The following CNTNAP2 variants were observed in gnomAD, a reference collection of about 807,000 sequenced individuals.
The protein encoded by CNTNAP2 is contactin-associated protein-like 2.
CNTNAP2 carries 98 observed loss-of-function variants against 155.2 expected under a neutral mutation model. That is an observed-to-expected ratio of 0.63 (90% CI 0.54 to 0.75). The LOEUF (loss-of-function observed/expected upper bound fraction) is 0.75. Ranked by LOEUF, CNTNAP2 falls within the 30% of genes least tolerant of loss-of-function variation. CNTNAP2 has a pLI of 0.00. For synonymous variants in CNTNAP2, 651 were observed against 631.2 expected (o/e 1.03, Z -0.47); for missense variants, 1,727 against 1,688.1 (o/e 1.02, Z -0.40).
intron 1 of CNTNAP2, among the ~76,000 whole-genome samples, chr7:146,528,053 A>G (rs1211969923): frequency 1.3e-5 from 2 of 152,174 alleles, no homozygotes; most frequent in Non-Finnish European, 2.9e-5. Flanking sequence ...TTCTATTGAT[A>G]TAATTACCAG....
intron 1 of CNTNAP2, among the ~76,000 whole-genome samples, chr7:146,644,180 C>G (rs186618816): frequency 0.046 from 6,952 of 151,828 alleles, 528 homozygotes; most frequent in African/African-American, 0.16. Context: ...TTGCCCTGGC[C>G]AGAACACTAT....
chr7:147,047,902 T>C (rs1228750624), intron 4 of CNTNAP2, among the ~76,000 whole-genome samples: 2 of 152,124 alleles, frequency 1.3e-5, no homozygotes, highest in Non-Finnish European at 2.9e-5. Flanking sequence ...TAGATGCCAG[T>C]GGAGTAAGTA....
intron 13 of CNTNAP2, among the ~76,000 whole-genome samples, chr7:147,832,964 A>G (rs1476215799): frequency 6.6e-6 from 1 of 150,722 alleles, no homozygotes; most frequent in Non-Finnish European, 1.5e-5. Flanking sequence ...GAAGTTTCAG[A>G]AATATCTCAC....
intron 21 of CNTNAP2, among the ~76,000 whole-genome samples, chr7:148,288,263 C>T (rs1404558589): frequency 6.6e-6 from 1 of 151,356 alleles, no homozygotes; most frequent in African/African-American, 2.4e-5. Flanking sequence ...CCATGCCCAG[C>T]TACTTTTTTG....
At chr7:148,343,699 T>C (rs1433649641) in intron 21 of CNTNAP2, among the ~76,000 whole-genome samples, 1 of 152,142 alleles carries the variant, frequency 6.6e-6, no homozygotes, top group Non-Finnish European at 1.5e-5. Flanking sequence ...TTTAAAAAAG[T>C]AGTTTCCAAG....
At chr7:148,220,133 C>T (rs1298101884) in intron 19 of CNTNAP2, among the ~76,000 whole-genome samples, 1 of 152,338 alleles carries the variant, frequency 6.6e-6, no homozygotes, top group East Asian at 1.9e-4. Flanking sequence ...GACGGAGTCT[C>T]GCTCTGTCGC....
intron 21 of CNTNAP2, among the ~76,000 whole-genome samples, chr7:148,362,365 A>G (rs1798641186): frequency 6.6e-6 from 1 of 152,172 alleles, no homozygotes; most frequent in Non-Finnish European, 1.5e-5. Flanking sequence ...ACACAGAGCC[A>G]AACAGTATCA....
intron 3 of CNTNAP2, among the ~76,000 whole-genome samples, chr7:146,849,646 C>A (rs567068395): frequency 6.6e-6 from 1 of 152,168 alleles, no homozygotes. Context: ...TTACCTTATG[C>A]GATTTTTGTG....
chr7:147,706,181 G>GTTTTT (rs767715009), intron 13 of CNTNAP2, among the ~76,000 whole-genome samples: 1,705 of 133,358 alleles, frequency 0.013, 115 homozygotes, highest in Admixed American at 0.12. Flanking sequence ...AACATTTGAG[G>GTTTTT]TTTTTTTTTT....
At chr7:146,833,477 T>C (rs897411905) in intron 2 of CNTNAP2, among the ~76,000 whole-genome samples, 3 of 152,188 alleles carry the variant, frequency 2.0e-5, no homozygotes, top group Admixed American at 2.0e-4. Context: ...AGTCTGAAAG[T>C]GTACCTTACA....
At chr7:146,636,940 A>T (rs1460863219) in intron 1 of CNTNAP2, among the ~76,000 whole-genome samples, 1 of 152,232 alleles carries the variant, frequency 6.6e-6, no homozygotes, top group Non-Finnish European at 1.5e-5. Context: ...AGAGGCATAC[A>T]TAGAGAGAAA....
At chr7:147,583,478 T>TTATA (rs1364775781) in intron 12 of CNTNAP2, among the ~76,000 whole-genome samples, 1 of 135,306 alleles carries the variant, frequency 7.4e-6, no homozygotes, top group Non-Finnish European at 1.5e-5. Context: ...TGCTCATTTC[T>TTATA]TATATATATA....
intron 1 of CNTNAP2, among the ~76,000 whole-genome samples, chr7:146,694,076 T>C (rs1020668884): frequency 1.3e-5 from 2 of 152,184 alleles, no homozygotes; most frequent in East Asian, 1.9e-4. Context: ...CTAAAAATAA[T>C]ATTTTTGTTC....
At chr7:146,707,493 T>G (rs995227027) in intron 1 of CNTNAP2, among the ~76,000 whole-genome samples, 7 of 151,952 alleles carry the variant, frequency 4.6e-5, no homozygotes, top group African/African-American at 1.7e-4. Context: ...TTTGTTGGGA[T>G]TTTTTTTGTG....
At chr7:147,077,564 G>A (rs1800021859) in intron 4 of CNTNAP2, among the ~76,000 whole-genome samples, 1 of 152,002 alleles carries the variant, frequency 6.6e-6, no homozygotes, top group South Asian at 2.1e-4. Context: ...TACCACTCTT[G>A]TCAATGGATA....
intron 1 of CNTNAP2, among the ~76,000 whole-genome samples, chr7:146,417,369 A>G (rs1177287757): frequency 2.0e-5 from 3 of 152,184 alleles, no homozygotes; most frequent in African/African-American, 4.8e-5. Flanking sequence ...GTTGCATGCC[A>G]TTTGTAAACT....
intron 13 of CNTNAP2, among the ~76,000 whole-genome samples, chr7:147,870,472 G>A (rs189666346): frequency 1.3e-5 from 2 of 152,224 alleles, no homozygotes; most frequent in Admixed American, 1.3e-4. Flanking sequence ...ATGTGGTGGT[G>A]GATCCCAAGC....
intron 11 of CNTNAP2, among the ~76,000 whole-genome samples, chr7:147,489,759 G>A (rs893243400): frequency 6.6e-6 from 1 of 152,130 alleles, no homozygotes; most frequent in Non-Finnish European, 1.5e-5. Flanking sequence ...GGGACTACAG[G>A]CACGTGCCAC....
chr7:146,687,281 A>G (rs1800617280), intron 1 of CNTNAP2, among the ~76,000 whole-genome samples: 1 of 152,160 alleles, frequency 6.6e-6, no homozygotes, highest in African/African-American at 2.4e-5. Flanking sequence ...TGGCTTAGAT[A>G]CTAACTAAAT....
Sources: allele counts gnomAD v4.1 joint callset (sites outside exome capture counted in the v4.1 genomes callset), GRCh38; gene constraint gnomAD v4.1.1; transcripts MANE v1.5; gene names NCBI Gene and HGNC (gene_info 2026-07-23, HGNC 2026-07-21).